UNC13C: variants seen among roughly 807,000 people sequenced by gnomAD.
The protein encoded by UNC13C is protein unc-13 homolog C.
UNC13C carries 174 observed loss-of-function variants against 245.4 expected under a neutral mutation model. That is an observed-to-expected ratio of 0.71 (90% CI 0.63 to 0.80). The LOEUF (loss-of-function observed/expected upper bound fraction) is 0.80. Ranked by LOEUF, UNC13C falls within the 30% of genes least tolerant of loss-of-function variation. The pLI, the probability that UNC13C is intolerant of heterozygous loss-of-function variation, is 0.00. For missense variants in UNC13C, 2,829 were observed against 2,602.9 expected (o/e 1.09, Z -1.89); for synonymous variants, 992 against 895.1 (o/e 1.11, Z -1.93).
At chr15:54,411,058 T>C (rs904157082) in intron 18 of UNC13C, among the ~76,000 whole-genome samples, 2 of 152,192 alleles carry the variant, frequency 1.3e-5, no homozygotes, top group African/African-American at 4.8e-5. Context: ...ACATGTAGTA[T>C]CACATCATAA....
intron 8 of UNC13C, 79 bp downstream of exon 8, chr15:54,250,523 T>C: frequency 7.5e-7 from 1 of 1,340,832 alleles, no homozygotes; most frequent in Non-Finnish European, 1.0e-6. Flanking sequence ...TCACTTCAAC[T>C]CTTGCTGGTT....
Position 54,335,217 on chromosome 15 carries a change from A to C in UNC13C, c.4584+1361A>C, listed in dbSNP as rs73415723. Among the ~76,000 whole-genome samples the C allele has an allele frequency of 7.9e-3, 1,197 of 152,188 alleles. 11 individuals carry two copies. Among genetic ancestry groups the C allele is most frequent in the African/African-American group, 0.028 (1,143 of 41,542 alleles). On this transcript the variant is annotated intron_variant, in intron 16 of 32. Coordinates refer to ENST00000260323, the MANE Select transcript of UNC13C (RefSeq NM_001080534.3). The stretch of plus-strand genomic sequence containing the variant: ...TCCTCTCCACTCTCCTGAATTGCCA[A>C]CTTTCCCCTATGTATGTGCTATTGA...
intron 8 of UNC13C, among the ~76,000 whole-genome samples, chr15:54,254,588 TA>T (rs1326931817): frequency 6.6e-6 from 1 of 152,204 alleles, no homozygotes; most frequent in African/African-American, 2.4e-5. Context: ...CATATAGGCA[TA>T]CGCTATTAAA....
rs982761840 is a variant in UNC13C at position 54,628,005 on chromosome 15, T to C, written c.*892T>C. ...ATGCTTTATTTTTAAAAATATTCAATGATTAGTATTGAATGCAGCATTACT... is the reference window on the plus strand; with the variant it reads ...ATGCTTTATTTTTAAAAATATTCAACGATTAGTATTGAATGCAGCATTACT... On this transcript the variant is annotated 3_prime_UTR_variant, in exon 33 of 33. Coordinates refer to ENST00000260323, the MANE Select transcript of UNC13C (RefSeq NM_001080534.3). 1 of 152,298 alleles carries C rather than the reference T, an allele frequency of 6.6e-6. No individual in the cohort carries two copies. The highest frequency in any genetic ancestry group is 6.6e-5 in the Admixed American group (1 of 15,258). The allele number at this position is 152,298 out of a possible 1,614,324, so 9.4% of individuals were successfully genotyped here. A position where few individuals can be genotyped will look rare whatever the true frequency, so the allele number is the denominator to read the frequency against.
the UNC13C span, among the ~76,000 whole-genome samples, chr15:53,839,107 C>T: frequency 5.9e-5 from 9 of 151,834 alleles, no homozygotes; most frequent in South Asian, 1.7e-3. Flanking sequence ...ATTTCTAAAA[C>T]GTGTAAAATG....
chr15:53,861,579 A>C, the UNC13C span, among the ~76,000 whole-genome samples: 1 of 152,174 alleles, frequency 6.6e-6, no homozygotes, highest in Non-Finnish European at 1.5e-5. Flanking sequence ...GTCGTCTAGA[A>C]AACAGAGCCT....
chr15:54,388,829 AT>A (rs1177254728), intron 17 of UNC13C, among the ~76,000 whole-genome samples: 3 of 151,856 alleles, frequency 2.0e-5, no homozygotes, highest in East Asian at 3.9e-4. Context: ...ATATACTGGA[AT>A]TTTTTTTGAT....
intron 2 of UNC13C, among the ~76,000 whole-genome samples, chr15:54,019,097 CT>C (rs1230660035): frequency 6.6e-6 from 1 of 152,112 alleles, no homozygotes; most frequent in Non-Finnish European, 1.5e-5. Flanking sequence ...CATTCTTTTA[CT>C]TCTTATAACA....
chr15:53,885,725 T>C, the UNC13C span, among the ~76,000 whole-genome samples: 10 of 152,308 alleles, frequency 6.6e-5, no homozygotes, highest in African/African-American at 1.9e-4. Flanking sequence ...TGATCACACC[T>C]TTCTGCCCCT....
chr15:54,370,169 A>G (rs1404071539), intron 17 of UNC13C, among the ~76,000 whole-genome samples: 1 of 152,118 alleles, frequency 6.6e-6, no homozygotes, highest in African/African-American at 2.4e-5. Flanking sequence ...AGATAGGGGG[A>G]AAAAGACAAT....
At chr15:54,390,114 A>G (rs2039923358) in intron 17 of UNC13C, among the ~76,000 whole-genome samples, 1 of 152,218 alleles carries the variant, frequency 6.6e-6, no homozygotes, top group South Asian at 2.1e-4. Context: ...TTACATGTTT[A>G]TTGAATGAAT....
intron 30 of UNC13C, among the ~76,000 whole-genome samples, chr15:54,594,319 C>T (rs544041487): frequency 1.6e-3 from 239 of 152,102 alleles, no homozygotes; most frequent in Non-Finnish European, 2.7e-3. Flanking sequence ...CAGGAGGTGG[C>T]GCTTTCCAGA....
chr15:53,916,907 G>T, the UNC13C span, among the ~76,000 whole-genome samples: 1 of 152,118 alleles, frequency 6.6e-6, no homozygotes, highest in African/African-American at 2.4e-5. Flanking sequence ...AAGCATCTTG[G>T]GTTTTTGAGG....
chr15:53,846,843 G>A, the UNC13C span, among the ~76,000 whole-genome samples: 3 of 152,146 alleles, frequency 2.0e-5, no homozygotes, highest in Admixed American at 1.3e-4. Context: ...CTGTGGTGAT[G>A]TATAATCAGA....
At chr15:54,059,103 T>A (rs1897678294) in intron 2 of UNC13C, among the ~76,000 whole-genome samples, 1 of 152,124 alleles carries the variant, frequency 6.6e-6, no homozygotes, top group African/African-American at 2.4e-5. Context: ...GTGTTGGAAG[T>A]TCTGGCCAGG....
intron 27 of UNC13C, 141 bp from the exon 28 acceptor site, chr15:54,549,494 A>G: frequency 1.6e-6 from 1 of 639,930 alleles, no homozygotes. Context: ...CAATCTTTAT[A>G]ATAGACCAAT....
At position 54,014,616 on chromosome 15, in the gene UNC13C, T is replaced by C. The variant is rs1332600153; in HGVS notation, c.1713T>C (p.Thr571=). 5 of 1,613,620 alleles carry C rather than the reference T, an allele frequency of 3.1e-6. No individual in the cohort carries two copies. In the African/African-American group the frequency reaches 6.7e-5, roughly 22 times the overall value. ...SEDFSENQFF[T]RTNGSSLLSS... Reference sequence around the variant, plus strand: ...ATTTTTCAGAAAATCAGTTTTTCACTAGAACTAATGGAAGCTCTCTCCTGT... The same window carrying C: ...ATTTTTCAGAAAATCAGTTTTTCACCAGAACTAATGGAAGCTCTCTCCTGT... The change falls in exon 2 of 33, where the codon ACT becomes ACC. Residue 571 remains threonine (T), a synonymous_variant. Transcript: ENST00000260323.
the UNC13C span, among the ~76,000 whole-genome samples, chr15:53,849,979 C>T: frequency 4.6e-5 from 7 of 152,190 alleles, no homozygotes; most frequent in African/African-American, 1.7e-4. Context: ...CCACTTACAG[C>T]CTTCTTTGTC....
chr15:54,481,583 G>A (rs992084158), intron 19 of UNC13C, among the ~76,000 whole-genome samples: 4 of 152,116 alleles, frequency 2.6e-5, no homozygotes, highest in South Asian at 2.1e-4. Flanking sequence ...CTTTCAGGGC[G>A]CAATATAGTC....
Sources: gnomAD v4.1 joint callset for allele counts (sites outside exome capture counted in the v4.1 genomes callset) on GRCh38, gnomAD v4.1.1 for gene constraint, MANE v1.5 for transcripts, NCBI Gene and HGNC (gene_info 2026-07-23, HGNC 2026-07-21) for gene names.